The following ZNF721 variants were observed in gnomAD, a reference collection of about 807,000 sequenced individuals.
ZNF721 encodes zinc finger protein 721.
A neutral mutation model predicts 2.4 loss-of-function variants in ZNF721; 2 were observed. The ratio of observed to expected loss-of-function variants is 0.82; its 90% CI spans 0.34 to 2.58. The LOEUF (loss-of-function observed/expected upper bound fraction) is 2.58, where lower values mean the gene tolerates loss of function less well. Among genes scored for constraint, ZNF721 ranks in the 30% most tolerant of loss-of-function variants. ZNF721 has a pLI of 0.11. For missense variants in ZNF721, 1,187 were observed against 1,085.5 expected, an observed-to-expected ratio of 1.09 and a Z score of -1.31; for synonymous variants, 398 against 381.8, an observed-to-expected ratio of 1.04 and a Z score of -0.50.
At position 441,507 on chromosome 4, in the gene ZNF721, G is replaced by C; in HGVS notation, c.*188C>G. 1.7e-6 allele frequency: 1 copy of C among 573,594 alleles called. No individual in the cohort carries two copies. The highest frequency in any genetic ancestry group is 4.4e-4 in the Middle Eastern group (1 of 2,248). 35.5% of individuals were successfully genotyped at this position (573,594 alleles called of 1,614,324 possible). A position where few individuals can be genotyped will look rare whatever the true frequency, so the allele number is the denominator to read the frequency against. ...TTATGTCTACAACAGATTGAGGTGT[G>C]ATTAAAAGCCTTCTCACATTTTTCA... On this transcript the variant is annotated 3_prime_UTR_variant, in exon 3 of 3. Coordinates refer to ENST00000511833, the MANE Select transcript of ZNF721 (RefSeq NM_133474.4).
intron 1 of ZNF721, among the ~76,000 whole-genome samples, chr4:497,681 G>A (rs1263784728): frequency 3.4e-5 from 5 of 147,468 alleles, no homozygotes; most frequent in Admixed American, 6.8e-5. Context: ...GAGGTCAGGA[G>A]ATTGAGACCA....
chr4:452,815 C>G (rs1202071871), intron 2 of ZNF721, among the ~76,000 whole-genome samples: 1 of 152,134 alleles, frequency 6.6e-6, no homozygotes, highest in East Asian at 1.9e-4. Context: ...CTTTATGAGG[C>G]CTGAAATTCC....
At chr4:495,969 C>T (rs984501856) in intron 1 of ZNF721, among the ~76,000 whole-genome samples, 2 of 152,162 alleles carry the variant, frequency 1.3e-5, no homozygotes, top group African/African-American at 4.8e-5. Flanking sequence ...TACCATATTT[C>T]GGCCGGACAG....
At position 442,318 on chromosome 4, in the gene ZNF721, T is replaced by C; in HGVS notation, c.2149A>G (p.Arg717Gly). 1.9e-6 allele frequency: 3 copies of C among 1,613,876 alleles called. No individual in the cohort carries two copies. The highest frequency in any genetic ancestry group is 2.5e-6 in the Non-Finnish European group (3 of 1,179,818). The change falls in exon 3 of 3, where the codon AGA (arginine) becomes GGA (glycine). Residue 717 changes from arginine to glycine, a missense_variant. Transcript: ENST00000511833. ...SRSRNLTTHR[R>G]VHTREKPYKC... ...TAGGGTTTCTCCCTAGTGTGAACTC[T>C]CCTATGTGTAGTAAGGTTTCTTGAC...
In ZNF721 at chr4:446,922, G is replaced by A. The variant is rs140789027; in HGVS notation, c.35-2490C>T. On this transcript the variant is annotated intron_variant, in intron 2 of 2. Coordinates refer to ENST00000511833, the MANE Select transcript of ZNF721 (RefSeq NM_133474.4). ...ACCAGGATGGTCTCGATCTCTTTACGTAATCCGCCTGCCTCAGCCTCCCAA... is the reference window on the plus strand; with the variant it reads ...ACCAGGATGGTCTCGATCTCTTTACATAATCCGCCTGCCTCAGCCTCCCAA... Among the ~76,000 whole-genome samples, 872 of 152,170 alleles carry A rather than the reference G, an allele frequency of 5.7e-3. 6 individuals are homozygous for A. Among genetic ancestry groups the A allele is most frequent in the African/African-American group, 0.02 (814 of 41,500 alleles).
chr4:475,790 C>T (rs532303579), intron 1 of ZNF721, among the ~76,000 whole-genome samples: 1 of 151,538 alleles, frequency 6.6e-6, no homozygotes, highest in African/African-American at 2.4e-5. Flanking sequence ...CCAAAGCTTC[C>T]CCCTACTAAC....
intron 2 of ZNF721, among the ~76,000 whole-genome samples, chr4:466,942 G>C (rs1715270692): frequency 6.6e-6 from 1 of 152,208 alleles, no homozygotes; most frequent in South Asian, 2.1e-4. Flanking sequence ...GGCTTGGCCG[G>C]GCGCGGTGGC....
intron 2 of ZNF721, among the ~76,000 whole-genome samples, chr4:463,106 G>C (rs1715120656): frequency 6.6e-6 from 1 of 152,186 alleles, no homozygotes; most frequent in Admixed American, 6.5e-5. Flanking sequence ...GATATGAACA[G>C]ACAGTTCTCA....
chr4:442,274 G>A lies in ZNF721; in HGVS notation c.2193C>T (p.Gly731=). ...REKPYKCEDR[G]RSFGWSTNLN... is the part of the protein sequence containing the mutation. ...GGTTTGTGGACCATCCAAAGGATCT[G>A]CCACGATCTTCACATTTGTAGGGTT... The change falls in exon 3 of 3, where the codon GGC becomes GGT. Residue 731 remains glycine, a synonymous_variant. Transcript: ENST00000511833. 6.2e-7 allele frequency: 1 copy of A among 1,613,244 alleles called. No homozygotes were observed. Among genetic ancestry groups the A allele is most frequent in the East Asian group, 2.2e-5 (1 of 44,880 alleles).
At position 442,867 on chromosome 4, in the gene ZNF721, A is replaced by G. The variant is rs1553863489; in HGVS notation, c.1600T>C (p.Cys534Arg). The G allele has an allele frequency of 6.2e-7, 1 of 1,613,884 alleles. No individual in the cohort carries two copies. Among genetic ancestry groups the G allele is most frequent in the South Asian group, 1.1e-5 (1 of 91,044 alleles). ...GCGGACTGTCTAAAGGCTTTGCCAC[A>G]TACTTCACATGTGTAGGGTTTCTCT... ...TGEKPYTCEV[C>R]GKAFRQSAIL... Residue 534 changes from cysteine (C) to arginine (R), a missense_variant, in exon 3 of 3, where the codon TGT becomes CGT. By Grantham distance (180) the Cys-to-Arg change is radical. Coordinates refer to ENST00000511833, the MANE Select transcript of ZNF721 (RefSeq NM_133474.4).
chr4:498,689 A>T (rs1339370374), intron 1 of ZNF721, among the ~76,000 whole-genome samples: 1 of 150,818 alleles, frequency 6.6e-6, no homozygotes, highest in Non-Finnish European at 1.5e-5. Flanking sequence ...AATCATTAAG[A>T]TATTTACCAG....
At chr4:492,284 C>T (rs1716044017) in intron 1 of ZNF721, among the ~76,000 whole-genome samples, 1 of 151,892 alleles carries the variant, frequency 6.6e-6, no homozygotes, top group Non-Finnish European at 1.5e-5. Context: ...TCTGTCAGGC[C>T]AGTTACCAAA....
chr4:488,112 C>G (rs1174771202), intron 1 of ZNF721, among the ~76,000 whole-genome samples: 1 of 152,204 alleles, frequency 6.6e-6, no homozygotes, highest in Non-Finnish European at 1.5e-5. Context: ...ACATTATAAC[C>G]AGGTCCTTGG....
chr4:494,242 C>G (rs1553871906), intron 1 of ZNF721, among the ~76,000 whole-genome samples: 1 of 149,478 alleles, frequency 6.7e-6, no homozygotes. Context: ...AGTGCAGTGG[C>G]GCCATGTCGG....
chr4:493,287 T>C (rs1484440650), intron 1 of ZNF721, among the ~76,000 whole-genome samples: 2 of 152,216 alleles, frequency 1.3e-5, no homozygotes, highest in African/African-American at 4.8e-5. Context: ...ACTTAGTTTA[T>C]AGTTTAACTT....
rs115278773 is a variant in ZNF721 at position 444,120 on chromosome 4, T to C, written c.347A>G (p.Lys116Arg). The C allele has an allele frequency of 7.7e-3, 12,456 of 1,614,188 alleles. 83 individuals carry two copies. The highest frequency in any genetic ancestry group is 0.012 in the Middle Eastern group (74 of 6,062). ...EKHFKCNECG[K>R]SFQKFSDLTQ... ...TAGGTCTGAGAACTTCTGAAATGAC[T>C]TGCCACATTCGTTACATTTAAAGTG... Residue 116 changes from lysine (K) to arginine (R), a missense_variant, in exon 3 of 3, where the codon AAG becomes AGG. Lys to Arg is a conservative substitution (Grantham distance 26). Coordinates refer to ENST00000511833, the MANE Select transcript of ZNF721 (RefSeq NM_133474.4).
intron 2 of ZNF721, among the ~76,000 whole-genome samples, chr4:464,915 T>C (rs1470297475): frequency 6.1e-5 from 9 of 147,532 alleles, no homozygotes; most frequent in Non-Finnish European, 1.3e-4. Flanking sequence ...CTGTCTCTAC[T>C]AAAAATACAA....
rs781862984 is a variant in ZNF721 at position 441,872 on chromosome 4, G to A, written c.2595C>T (p.Tyr865=). 1 of 1,613,868 alleles carries A rather than the reference G, an allele frequency of 6.2e-7. No homozygotes were observed. The highest frequency in any genetic ancestry group is 8.5e-7 in the Non-Finnish European group (1 of 1,179,944). ...HRRIHTGEKP[Y]TCGECGKTFR... ...AGGTTTTGCCACATTCTCCACATGT[G>A]TAGGGTTTCTCTCCAGTATGAATTC... Residue 865 remains tyrosine (Y), a synonymous_variant, in exon 3 of 3, where the codon TAC becomes TAT. Coordinates refer to ENST00000511833, the MANE Select transcript of ZNF721 (RefSeq NM_133474.4).
chr4:468,266 C>CAA (rs782727813), intron 2 of ZNF721, among the ~76,000 whole-genome samples: 1 of 120,100 alleles, frequency 8.3e-6, no homozygotes. Context: ...GACTCCGACT[C>CAA]AAAAAAAAAA....
Sources: gnomAD v4.1 joint callset for allele counts (sites outside exome capture counted in the v4.1 genomes callset) on GRCh38, gnomAD v4.1.1 for gene constraint, MANE v1.5 for transcripts, NCBI Gene and HGNC (gene_info 2026-07-23, HGNC 2026-07-21) for gene names.